Variants in SH3GL3 observed in about 807,000 individuals in gnomAD.
SH3GL3 encodes the protein SH3 domain containing GRB2 like 3, endophilin A3.
A neutral mutation model predicts 47.7 loss-of-function variants in SH3GL3; 33 were observed. That is an observed-to-expected ratio of 0.69 (90% CI 0.52 to 0.92). The LOEUF is 0.92. Ranked by LOEUF, SH3GL3 falls within the 40% of genes least tolerant of loss-of-function variation. The pLI is 0.00. For synonymous variants in SH3GL3, 155 were observed against 148.8 expected, an observed-to-expected ratio of 1.04 and a Z score of -0.30; for missense variants, 363 against 417.8, an observed-to-expected ratio of 0.87 and a Z score of 1.14.
At chr15:83,579,426 C>G (rs1403499683) in intron 6 of SH3GL3, among the ~76,000 whole-genome samples, 3 of 152,292 alleles carry the variant, frequency 2.0e-5, no homozygotes, top group African/African-American at 7.2e-5. Context: ...CTACTTCTGC[C>G]ATTGAGGTGG....
At chr15:83,603,297 TAAA>T (rs2151832766) in intron 8 of SH3GL3, among the ~76,000 whole-genome samples, 1 of 152,304 alleles carries the variant, frequency 6.6e-6, no homozygotes, top group African/African-American at 2.4e-5. Context: ...CTTGATTTCT[TAAA>T]AAACGTAATG....
chr15:83,629,741 GC>G, the SH3GL3 span, among the ~76,000 whole-genome samples: 127 of 152,248 alleles, frequency 8.3e-4, no homozygotes, highest in Non-Finnish European at 1.5e-3. Context: ...GATCACTTGA[GC>G]CCAAGAGTTT....
chr15:83,485,380 C>T (rs187693892), intron 1 of SH3GL3, among the ~76,000 whole-genome samples: 58 of 152,124 alleles, frequency 3.8e-4, no homozygotes, highest in East Asian at 1.7e-3. Context: ...GTGTTCTTTG[C>T]GATGATTTTT....
chr15:83,580,983 G>T (rs1200166911), intron 6 of SH3GL3, among the ~76,000 whole-genome samples: 1 of 152,208 alleles, frequency 6.6e-6, no homozygotes, highest in Non-Finnish European at 1.5e-5. Context: ...CTCTGAGATG[G>T]GTGTGCTTGG....
chr15:83,603,770 T>A (rs1341511554), intron 8 of SH3GL3, among the ~76,000 whole-genome samples: 1 of 152,226 alleles, frequency 6.6e-6, no homozygotes, highest in East Asian at 1.9e-4. Context: ...TTAGAGCTAC[T>A]GGTATATGGT....
chr15:83,506,251 G>A (rs2042497684), intron 1 of SH3GL3, among the ~76,000 whole-genome samples: 1 of 152,114 alleles, frequency 6.6e-6, no homozygotes, highest in African/African-American at 2.4e-5. Context: ...CCATTCATCT[G>A]AAATTTTTTT....
chr15:83,584,132 T>C (rs981661983), intron 6 of SH3GL3, among the ~76,000 whole-genome samples: 11 of 152,188 alleles, frequency 7.2e-5, no homozygotes, highest in African/African-American at 2.7e-4. Context: ...AGGAAGAAGC[T>C]GCTTCTTTGC....
At chr15:83,633,327 T>A in the SH3GL3 span, among the ~76,000 whole-genome samples, 1 of 152,322 alleles carries the variant, frequency 6.6e-6, no homozygotes, top group African/African-American at 2.4e-5. Flanking sequence ...GTTTTAAAAA[T>A]TATTATTTTT....
intron 1 of SH3GL3, among the ~76,000 whole-genome samples, chr15:83,491,249 G>A (rs979194846): frequency 2.0e-5 from 3 of 152,170 alleles, no homozygotes; most frequent in African/African-American, 2.4e-5. Flanking sequence ...CTTGATTGGA[G>A]GCAAGTGGAA....
chr15:83,597,459 T>G (rs1467211952), intron 8 of SH3GL3, among the ~76,000 whole-genome samples: 1 of 152,206 alleles, frequency 6.6e-6, no homozygotes, highest in African/African-American at 2.4e-5. Context: ...AGTGGACATC[T>G]TTGAGGCTAT....
At chr15:83,590,869 A>T (rs950308381) in intron 8 of SH3GL3, among the ~76,000 whole-genome samples, 2 of 152,184 alleles carry the variant, frequency 1.3e-5, no homozygotes, top group Non-Finnish European at 2.9e-5. Flanking sequence ...TCTGTAGCTT[A>T]TCTTTTAATC....
chr15:83,507,708 C>T (rs1194177448), intron 1 of SH3GL3, among the ~76,000 whole-genome samples: 1 of 152,116 alleles, frequency 6.6e-6, no homozygotes, highest in South Asian at 2.1e-4. Flanking sequence ...AGCCACCGCG[C>T]CTGGCCTCAT....
At chr15:83,572,844 C>A in intron 5 of SH3GL3, 146 bp downstream of exon 5, 1 of 595,614 alleles carries the variant, frequency 1.7e-6, no homozygotes, top group Admixed American at 3.3e-5. Context: ...TTTTCCTGGG[C>A]TCACTGGGAA....
intron 6 of SH3GL3, among the ~76,000 whole-genome samples, chr15:83,582,775 C>G (rs1265796976): frequency 6.6e-6 from 1 of 152,214 alleles, no homozygotes; most frequent in Non-Finnish European, 1.5e-5. Context: ...TGCTAAGCCT[C>G]TGGGAAAATC....
At chr15:83,588,061 C>T (rs1312005133) in intron 7 of SH3GL3, among the ~76,000 whole-genome samples, 1 of 152,202 alleles carries the variant, frequency 6.6e-6, no homozygotes, top group Admixed American at 6.5e-5. Flanking sequence ...CCGACCGCGT[C>T]CCAGGCACTT....
At chr15:83,589,626 C>T (rs1023363029) in intron 8 of SH3GL3, among the ~76,000 whole-genome samples, 1 of 152,210 alleles carries the variant, frequency 6.6e-6, no homozygotes. Flanking sequence ...ATCCTTCTGC[C>T]TCGGCCTTCT....
the SH3GL3 span, among the ~76,000 whole-genome samples, chr15:83,632,761 C>T: frequency 3.9e-5 from 6 of 152,106 alleles, no homozygotes; most frequent in Admixed American, 1.3e-4. Flanking sequence ...ATGACATGTA[C>T]GGATTATGGG....
intron 3 of SH3GL3, 89 bp from the exon 4 acceptor site, chr15:83,568,440 T>A (rs1294346948): frequency 1.3e-5 from 13 of 1,024,412 alleles, no homozygotes. Flanking sequence ...TAAGGTGACC[T>A]CAGTTTTGGC....
At chr15:83,544,416 G>A (rs1282488522) in intron 1 of SH3GL3, among the ~76,000 whole-genome samples, 1 of 152,068 alleles carries the variant, frequency 6.6e-6, no homozygotes, top group East Asian at 1.9e-4. Flanking sequence ...GGAGAAGAAT[G>A]TGTATTCTGC....
Sources: allele counts gnomAD v4.1 joint callset (sites outside exome capture counted in the v4.1 genomes callset), GRCh38; gene constraint gnomAD v4.1.1; transcripts MANE v1.5; gene names NCBI Gene and HGNC (gene_info 2026-07-23, HGNC 2026-07-21).